Variants in CBFA2T3 observed in about 807,000 individuals in gnomAD.
The protein encoded by CBFA2T3 is transcriptional corepressor CBFA2T3.
In CBFA2T3, 31 loss-of-function variants were observed where a neutral mutation model predicts 58.6. The observed-to-expected ratio is 0.53, with a 90% CI of 0.40 to 0.71. The LOEUF (loss-of-function observed/expected upper bound fraction) is 0.71, where lower values mean the gene tolerates loss of function less well. CBFA2T3 is among the 30% of genes least tolerant of loss of function. The pLI, the probability that CBFA2T3 is intolerant of heterozygous loss-of-function variation, is 0.00. For missense variants in CBFA2T3, 1,076 were observed against 963.1 expected (o/e 1.12, Z -1.55); for synonymous variants, 531 against 421.9 (o/e 1.26, Z -3.17).
In CBFA2T3 at chr16:88,876,212, G is replaced by C; in HGVS notation, c.*764C>G. ...CCTTGGCTGGCTAGCTAGCAAGGTAGTTCACAAGTATGCTTCCTTTGCTTT... is the reference window on the plus strand; with the variant it reads ...CCTTGGCTGGCTAGCTAGCAAGGTACTTCACAAGTATGCTTCCTTTGCTTT... On this transcript the variant is annotated 3_prime_UTR_variant, in exon 12 of 12. Coordinates refer to ENST00000268679, the MANE Select transcript of CBFA2T3 (RefSeq NM_005187.6). 1 of 231,398 alleles carries C rather than the reference G, an allele frequency of 4.3e-6. No homozygotes were observed. Among genetic ancestry groups the C allele is most frequent in the Non-Finnish European group, 8.6e-6 (1 of 116,660 alleles). 14.3% of individuals were successfully genotyped at this position (231,398 alleles called of 1,614,324 possible). A position where few individuals can be genotyped will look rare whatever the true frequency, so the allele number is the denominator to read the frequency against.
Position 88,876,958 on chromosome 16 carries a change from G to C in CBFA2T3, c.*18C>G, listed in dbSNP as rs1009199478. On this transcript the variant is annotated 3_prime_UTR_variant, in exon 12 of 12. Coordinates refer to ENST00000268679, the MANE Select transcript of CBFA2T3 (RefSeq NM_005187.6). ...GGTTGGCACGGTGCTGTGTCCGGCA[G>C]GCCAGGGGCCAGTGGGGTCAGCGGG... is the stretch of plus-strand genomic sequence containing the variant. 4.2e-6 allele frequency: 6 copies of C among 1,416,874 alleles called. No homozygotes were observed. The African/African-American group carries it at 7.5e-5, about 18-fold the overall frequency. The allele number at this position is 1,416,874 out of a possible 1,614,324, so 87.8% of individuals were successfully genotyped here. A position where few individuals can be genotyped will look rare whatever the true frequency, so the allele number is the denominator to read the frequency against.
chr16:88,885,147 GGCGGTGTGGGCT>G lies in CBFA2T3; in HGVS notation c.1004_1015del (p.Gln335_Pro338del). The G allele has an allele frequency of 6.2e-7, 1 of 1,601,062 alleles. No homozygotes were observed. The highest frequency in any genetic ancestry group is 8.5e-7 in the Non-Finnish European group (1 of 1,174,610). On this transcript the variant is annotated inframe_deletion, in exon 7 of 12. Coordinates refer to ENST00000268679, the MANE Select transcript of CBFA2T3 (RefSeq NM_005187.6). This position sits in a 1 kb window ranked among gnomAD's most constrained non-coding sequence, Gnocchi z 5.3. The stretch of plus-strand genomic sequence containing the variant: ...TATGTCCTCCAGGCGGTAGTGCGGC[GGCGGTGTGGGCT>G]GCGGTGGCCCGTTGCTGGGGCTGTA...
Position 88,976,762 on chromosome 16 carries a change from C to A in CBFA2T3, c.46G>T (p.Gly16Ter), listed in dbSNP as rs112042673. The A allele has an allele frequency of 1.3e-6, 2 of 1,557,166 alleles. No individual in the cohort carries two copies. The highest frequency in any genetic ancestry group is 2.4e-5 in the East Asian group (1 of 41,966). Residue 16 changes from glycine to a stop codon, truncating the protein, a stop_gained, in exon 1 of 12, where the codon GGA (glycine) becomes TGA (stop). Coordinates refer to ENST00000268679, the MANE Select transcript of CBFA2T3 (RefSeq NM_005187.6). LOFTEE classifies it high-confidence loss of function. ...LRDRAASSAS[G>*]STCGSMSQTH... The stretch of plus-strand genomic sequence containing the variant: ...TGGGACATGGAGCCACAGGTGGATC[C>A]CGAGGCTGAACTGGCTGCCCTGTCC...
chr16:88,974,799 C>T (rs919777917), intron 1 of CBFA2T3, among the ~76,000 whole-genome samples: 7 of 152,054 alleles, frequency 4.6e-5, no homozygotes, highest in Non-Finnish European at 1.0e-4. Flanking sequence ...TCCAGCCAGG[C>T]GAGGCTTGAT....
At chr16:88,957,819 C>G (rs1488990428) in intron 1 of CBFA2T3, 1 of 152,312 alleles carries the variant, frequency 6.6e-6, no homozygotes, top group Non-Finnish European at 1.5e-5. Flanking sequence ...AGGCAGGAAG[C>G]AGATCAGTGG....
In CBFA2T3 at chr16:88,875,612, C is replaced by T. The variant is rs1249771793; in HGVS notation, c.*1364G>A. 3.9e-5 allele frequency: 9 copies of T among 232,288 alleles called. No homozygotes were observed. The highest frequency in any genetic ancestry group is 1.1e-4 in the African/African-American group (5 of 44,764). 14.4% of individuals were successfully genotyped at this position (232,288 alleles called of 1,614,324 possible). A position where few individuals can be genotyped will look rare whatever the true frequency, so the allele number is the denominator to read the frequency against. Reference sequence around the variant, plus strand: ...TTGGGGCGATGGGGCTGAGAGAGGTCGGAGCTGGGGTGAGGGGGCCGAGAG... The same window carrying T: ...TTGGGGCGATGGGGCTGAGAGAGGTTGGAGCTGGGGTGAGGGGGCCGAGAG... On this transcript the variant is annotated 3_prime_UTR_variant, in exon 12 of 12. Coordinates refer to ENST00000268679, the MANE Select transcript of CBFA2T3 (RefSeq NM_005187.6).
intron 3 of CBFA2T3, among the ~76,000 whole-genome samples, chr16:88,893,042 T>C (rs1969711820): frequency 6.6e-6 from 1 of 152,148 alleles, no homozygotes; most frequent in African/African-American, 2.4e-5. Flanking sequence ...GATGGCTCAC[T>C]TCCCACTTTC....
At chr16:88,964,780 C>CT (rs1567638061) in intron 1 of CBFA2T3, among the ~76,000 whole-genome samples, 1 of 151,594 alleles carries the variant, frequency 6.6e-6, no homozygotes, top group Non-Finnish European at 1.5e-5. Flanking sequence ...TCCATCCACC[C>CT]ATCCATCCAC....
chr16:88,916,832 G>C (rs1970752392), intron 1 of CBFA2T3, among the ~76,000 whole-genome samples: 1 of 152,164 alleles, frequency 6.6e-6, no homozygotes, highest in South Asian at 2.1e-4. Flanking sequence ...ACAGAGAGGA[G>C]GTCAGGCTGG....
intron 1 of CBFA2T3, among the ~76,000 whole-genome samples, chr16:88,943,962 G>T (rs1199922630): frequency 1.3e-5 from 2 of 152,186 alleles, no homozygotes; most frequent in African/African-American, 4.8e-5. Flanking sequence ...GGGCAGAGCC[G>T]TGGAGGAGGG....
intron 1 of CBFA2T3, chr16:88,941,024 G>A (rs1971705370): frequency 2.0e-6 from 2 of 980,926 alleles, no homozygotes; most frequent in Non-Finnish European, 2.4e-6. Flanking sequence ...ACTTACGGTC[G>A]GGGGGTCCGG....
chr16:88,954,615 G>A (rs1404556972), intron 1 of CBFA2T3, among the ~76,000 whole-genome samples: 156 of 42,208 alleles, frequency 3.7e-3, no homozygotes, highest in South Asian at 5.3e-3. Context: ...CTCAGCCAAG[G>A]CTCCTGACTC....
At chr16:88,970,602 C>T (rs1045363601) in intron 1 of CBFA2T3, among the ~76,000 whole-genome samples, 1 of 152,266 alleles carries the variant, frequency 6.6e-6, no homozygotes, top group African/African-American at 2.4e-5. Context: ...TGCCCCTTCC[C>T]TCCGGGGCCA....
intron 1 of CBFA2T3, among the ~76,000 whole-genome samples, chr16:88,968,279 G>A (rs977610903): frequency 1.2e-4 from 19 of 152,312 alleles, no homozygotes; most frequent in Non-Finnish European, 2.1e-4. Context: ...AGGGAGGGGC[G>A]GGAAGCACCT....
At chr16:88,901,695 C>T in intron 1 of CBFA2T3, 39 bp from the exon 2 acceptor site, 1 of 1,510,022 alleles carries the variant, frequency 6.6e-7, no homozygotes, top group South Asian at 1.3e-5. Flanking sequence ...GTGAAGCAGG[C>T]TAAGTGCAAA....
intron 8 of CBFA2T3, 22 bp downstream of exon 8, chr16:88,882,654 G>T (rs1043707502): frequency 2.7e-6 from 4 of 1,505,144 alleles, no homozygotes; most frequent in Non-Finnish European, 3.6e-6. Context: ...CTGTGTGGGC[G>T]TGGCTGTGTG....
chr16:88,950,456 G>T (rs1224761778), intron 1 of CBFA2T3: 1 of 407,308 alleles, frequency 2.5e-6, no homozygotes, highest in Non-Finnish European at 4.8e-6. Flanking sequence ...CCTGTCTTCC[G>T]GATCTGTTCA....
rs984234437 is a variant in CBFA2T3 at position 88,977,077 on chromosome 16, C to T, written c.-270G>A. ...CTGGGGAAGGTCTCCCTGCAGCCTG[C>T]GGGTGAGGCAGCCAGCTGTGTCCCC... is the stretch of plus-strand genomic sequence containing the variant. On this transcript the variant is annotated 5_prime_UTR_variant, in exon 1 of 12. Coordinates refer to ENST00000268679, the MANE Select transcript of CBFA2T3 (RefSeq NM_005187.6). The T allele has an allele frequency of 1.0e-5, 4 of 394,270 alleles. No homozygotes were observed. Among genetic ancestry groups the T allele is most frequent in the East Asian group, 3.7e-5 (1 of 27,074 alleles). 24.4% of individuals were successfully genotyped at this position (394,270 alleles called of 1,614,324 possible).
At position 88,906,549 on chromosome 16, in the gene CBFA2T3, A is replaced by G. The variant is rs114852028; in HGVS notation, c.152-4893T>C. 5.7e-3 allele frequency among the ~76,000 whole-genome samples: 867 copies of G among 152,324 alleles called. 5 individuals are homozygous for G. Among genetic ancestry groups the G allele is most frequent in the African/African-American group, 0.02 (829 of 41,570 alleles). On this transcript the variant is annotated intron_variant, in intron 1 of 11. Coordinates refer to ENST00000268679, the MANE Select transcript of CBFA2T3 (RefSeq NM_005187.6). ...CAGTAGACACCAGTGTCCTGGTGCA[A>G]TGGCCCTGAGGCAACCCCGGGGGCT...
Sources: gnomAD v4.1 joint callset for allele counts (sites outside exome capture counted in the v4.1 genomes callset) on GRCh38, gnomAD v4.1.1 for gene constraint, Gnocchi (gnomAD v3.1) non-coding constraint, MANE v1.5 for transcripts, NCBI Gene and HGNC (gene_info 2026-07-23, HGNC 2026-07-21) for gene names.